CLEC6A: variants seen among roughly 807,000 people sequenced by gnomAD.
CLEC6A encodes C-type lectin domain family 6 member A.
CLEC6A carries 22 observed loss-of-function variants against 25.7 expected under a neutral mutation model. The observed-to-expected ratio is 0.85, with a 90% confidence interval of 0.61 to 1.22. The LOEUF (loss-of-function observed/expected upper bound fraction) is 1.22, where lower values mean the gene tolerates loss of function less well. Among genes scored for constraint, CLEC6A ranks in the 50% most tolerant of loss-of-function variants. The pLI is 0.00. For missense variants in CLEC6A, 240 were observed against 236.8 expected (o/e 1.01, Z -0.09); for synonymous variants, 92 against 76.7 (o/e 1.20, Z -1.04).
At chr12:8,458,730 T>C (rs1939712563) in intron 2 of CLEC6A, among the ~76,000 whole-genome samples, 1 of 152,104 alleles carries the variant, frequency 6.6e-6, no homozygotes, top group Non-Finnish European at 1.5e-5. Flanking sequence ...CTTTTCATAA[T>C]CAAGTGCAAG....
At chr12:8,470,839 C>G (rs1048394364) in intron 4 of CLEC6A, among the ~76,000 whole-genome samples, 2 of 152,028 alleles carry the variant, frequency 1.3e-5, no homozygotes, top group Admixed American at 1.3e-4. Context: ...TCAGAAATCA[C>G]CACTAAAGAA....
chr12:8,477,223 T>A lies in CLEC6A; in HGVS notation c.486-97T>A, dbSNP rs966652379. The A allele has an allele frequency of 3.2e-6, 3 of 925,530 alleles. No individual in the cohort carries two copies. The Admixed American group carries it at 7.8e-5, about 24-fold the overall frequency. 57.3% of individuals were successfully genotyped at this position (925,530 alleles called of 1,614,324 possible). On this transcript the variant is annotated intron_variant, in intron 5 of 5. Transcript: ENST00000382073. Reference sequence around the variant, plus strand: ...GAACAATCATTGGAATGTTCTCTCTTCCTAAATCCCACTTTGTTCACCCCA... The same window carrying A: ...GAACAATCATTGGAATGTTCTCTCTACCTAAATCCCACTTTGTTCACCCCA...
At chr12:8,466,887 C>T (rs924316491) in intron 4 of CLEC6A, among the ~76,000 whole-genome samples, 6 of 152,078 alleles carry the variant, frequency 3.9e-5, no homozygotes, top group Non-Finnish European at 5.9e-5. Flanking sequence ...CTCCTGACCT[C>T]GTGATCCACC....
rs889261740 is a variant in CLEC6A at position 8,460,647 on chromosome 12, A to T, written c.223+949A>T. The T allele has an allele frequency of 7.4e-5, 110 of 1,476,642 alleles. No homozygotes were observed. The African/African-American group carries it at 1.3e-3, about 18-fold the overall frequency. The allele number at this position is 1,476,642 out of a possible 1,614,324, so 91.5% of individuals were successfully genotyped here. A position where few individuals can be genotyped will look rare whatever the true frequency, so the allele number is the denominator to read the frequency against. On this transcript the variant is annotated intron_variant, in intron 3 of 5. Transcript: ENST00000382073. ...GTGCATACAAGTATATCCAGGAGCT[A>T]TGGAGAAAGAAGCAGTCTGATGTCA...
chr12:8,465,121 C>T (rs1939812710), intron 3 of CLEC6A, among the ~76,000 whole-genome samples: 1 of 152,164 alleles, frequency 6.6e-6, no homozygotes, highest in Admixed American at 6.5e-5. Flanking sequence ...GGCTCTGTGG[C>T]TTGCCCAAGA....
intron 4 of CLEC6A, among the ~76,000 whole-genome samples, chr12:8,469,793 T>C (rs1939882128): frequency 6.6e-6 from 1 of 152,186 alleles, no homozygotes; most frequent in South Asian, 2.1e-4. Flanking sequence ...TCAAGGTGGA[T>C]CAAGGACTTA....
intron 5 of CLEC6A, 30 bp downstream of exon 5, chr12:8,476,270 T>C (rs749050062): frequency 2.3e-6 from 3 of 1,280,978 alleles, no homozygotes; most frequent in South Asian, 1.3e-5. Flanking sequence ...CTTGTTTACA[T>C]AGAAAATCTA....
intron 2 of CLEC6A, 91 bp from the exon 3 acceptor site, chr12:8,459,506 G>A: frequency 1.3e-6 from 1 of 760,972 alleles, no homozygotes; most frequent in East Asian, 2.5e-5. Context: ...AGCAGTGGGG[G>A]TCAGAGGTAA....
chr12:8,459,165 G>T (rs1236386973), intron 2 of CLEC6A, among the ~76,000 whole-genome samples: 1 of 151,862 alleles, frequency 6.6e-6, no homozygotes, highest in Non-Finnish European at 1.5e-5. Context: ...ACCCTTGTAG[G>T]TGTTTGTGAT....
intron 4 of CLEC6A, among the ~76,000 whole-genome samples, chr12:8,468,512 C>G (rs1939866316): frequency 6.6e-6 from 1 of 152,112 alleles, no homozygotes; most frequent in Non-Finnish European, 1.5e-5. Context: ...GCTAGGACTT[C>G]CAGTACTATG....
Position 8,459,672 on chromosome 12 carries a change from G to A in CLEC6A, c.197G>A (p.Cys66Tyr). The part of the protein sequence containing the change: ...ELHSYHSSLT[C>Y]FSEGTKVPAW... ...CACTCATATCATTCAAGTCTCACCTGCTTCAGTGAAGGGACAAAGGTGCCA... is the reference window on the plus strand; with the variant it reads ...CACTCATATCATTCAAGTCTCACCTACTTCAGTGAAGGGACAAAGGTGCCA... The change falls in exon 3 of 6, where the codon TGC becomes TAC. Residue 66 changes from cysteine to tyrosine, a missense_variant. By Grantham distance (194) the Cys-to-Tyr change is radical. Transcript: ENST00000382073. 6.2e-7 allele frequency: 1 copy of A among 1,612,678 alleles called. No homozygotes were observed. The highest frequency in any genetic ancestry group is 8.5e-7 in the Non-Finnish European group (1 of 1,178,676).
chr12:8,463,623 T>C (rs1939792200), intron 3 of CLEC6A, among the ~76,000 whole-genome samples: 2 of 152,336 alleles, frequency 1.3e-5, no homozygotes, highest in South Asian at 4.1e-4. Context: ...ATCAGGTTAC[T>C]CCCAATGTTA....
chr12:8,455,974 C>T lies in CLEC6A; in HGVS notation c.-138C>T. ...TTGAGGTACACTTAATGTTGGAAGT[C>T]TCTTAGTCCTATAAGAGTGTGTAGC... On this transcript the variant is annotated 5_prime_UTR_variant, in exon 1 of 6. Coordinates refer to ENST00000382073, the MANE Select transcript of CLEC6A (RefSeq NM_001007033.2). The T allele has an allele frequency of 1.7e-6, 1 of 586,260 alleles. No individual in the cohort carries two copies. Among genetic ancestry groups the T allele is most frequent in the South Asian group, 3.0e-5 (1 of 33,444 alleles). 36.3% of individuals were successfully genotyped at this position (586,260 alleles called of 1,614,324 possible).
rs942445262 is a variant in CLEC6A, at chr12:8,455,985, A to G, written c.-127A>G. On this transcript the variant is annotated 5_prime_UTR_variant, in exon 1 of 6. Coordinates refer to ENST00000382073, the MANE Select transcript of CLEC6A (RefSeq NM_001007033.2). ...TTAATGTTGGAAGTCTCTTAGTCCTATAAGAGTGTGTAGCAGTTTGTCCCT... is the reference window on the plus strand; with the variant it reads ...TTAATGTTGGAAGTCTCTTAGTCCTGTAAGAGTGTGTAGCAGTTTGTCCCT... 1.6e-5 allele frequency: 12 copies of G among 733,364 alleles called. No individual in the cohort carries two copies. The highest frequency in any genetic ancestry group is 3.5e-5 in the African/African-American group (2 of 57,446). The allele number at this position is 733,364 out of a possible 1,614,324, so 45.4% of individuals were successfully genotyped here. A position where few individuals can be genotyped will look rare whatever the true frequency, so the allele number is the denominator to read the frequency against.
chr12:8,476,008 T>TCCTGGTCACAAG, intron 4 of CLEC6A, 117 bp from the exon 5 acceptor site: 1 of 589,766 alleles, frequency 1.7e-6, no homozygotes, highest in Non-Finnish European at 2.9e-6. Flanking sequence ...ATCATGTGAC[T>TCCTGGTCACAAG]GCTCCTTGCA....
chr12:8,465,467 A>G lies in CLEC6A; in HGVS notation c.224-17A>G, dbSNP rs771979018. 6.2e-7 allele frequency: 1 copy of G among 1,611,286 alleles called. No homozygotes were observed. Reference sequence around the variant, plus strand: ...TATCTTGCACTCACTCTTTTTTTTCATGTAACACAAAAATAGCCTGGGGAT... The same window carrying G: ...TATCTTGCACTCACTCTTTTTTTTCGTGTAACACAAAAATAGCCTGGGGAT... On this transcript the variant is annotated splice_polypyrimidine_tract_variant and intron_variant, in intron 3 of 5. Coordinates refer to ENST00000382073, the MANE Select transcript of CLEC6A (RefSeq NM_001007033.2).
chr12:8,461,163 C>G, intron 3 of CLEC6A: 15 of 1,360,434 alleles, frequency 1.1e-5, no homozygotes, highest in Non-Finnish European at 1.6e-5. Flanking sequence ...AGTTCCACCA[C>G]ACTATTTGTG....
chr12:8,466,692 G>A lies in CLEC6A; in HGVS notation c.369+1063G>A, dbSNP rs1264601866. ...TTTTTTTGAGACAGAGTGTCGCTCT[G>A]TTGCCCAGGCTGGAGTGCAGTGGCG... On this transcript the variant is annotated intron_variant, in intron 4 of 5. Transcript: ENST00000382073. 8.7e-5 allele frequency among the ~76,000 whole-genome samples: 13 copies of A among 148,738 alleles called. No individual in the cohort carries two copies. In the South Asian group the frequency reaches 2.5e-3, roughly 29 times the overall value.
intron 4 of CLEC6A, among the ~76,000 whole-genome samples, chr12:8,468,188 C>T (rs1308616745): frequency 6.6e-6 from 1 of 152,212 alleles, no homozygotes; most frequent in Non-Finnish European, 1.5e-5. Context: ...AGTGATCCAC[C>T]CACCTCGGCC....
Sources: allele counts gnomAD v4.1 joint callset (sites outside exome capture counted in the v4.1 genomes callset), GRCh38; gene constraint gnomAD v4.1.1; transcripts MANE v1.5; gene names NCBI Gene and HGNC (gene_info 2026-07-23, HGNC 2026-07-21).